Variants in LRRC49 observed in about 807,000 individuals in gnomAD.
The protein encoded by LRRC49 is leucine-rich repeat-containing protein 49.
A neutral mutation model predicts 83.3 loss-of-function variants in LRRC49; 50 were observed. That is an observed-to-expected ratio of 0.60 (90% CI 0.48 to 0.76). The LOEUF is 0.76. LRRC49 is among the 30% of genes least tolerant of loss of function. LRRC49 has a pLI of 0.00. For synonymous variants in LRRC49, 286 were observed against 283.3 expected, an observed-to-expected ratio of 1.01 and a Z score of -0.10; for missense variants, 704 against 809.1, an observed-to-expected ratio of 0.87 and a Z score of 1.58.
chr15:71,023,122 T>C (rs1285868914), intron 14 of LRRC49, among the ~76,000 whole-genome samples: 2 of 152,106 alleles, frequency 1.3e-5, no homozygotes, highest in Non-Finnish European at 2.9e-5. Context: ...AAAATACCCA[T>C]TTCAAAACTT....
At chr15:70,866,796 A>G (rs2032923574) in intron 1 of LRRC49, among the ~76,000 whole-genome samples, 1 of 152,082 alleles carries the variant, frequency 6.6e-6, no homozygotes, top group Non-Finnish European at 1.5e-5. Flanking sequence ...TTGGACAGAA[A>G]TTAACACAAT....
intron 10 of LRRC49, among the ~76,000 whole-genome samples, chr15:70,981,344 G>T (rs2037389680): frequency 7.1e-6 from 1 of 140,674 alleles, no homozygotes; most frequent in Admixed American, 7.1e-5. Context: ...GGGCCTGTTG[G>T]AGGGTGGGGG....
chr15:70,950,774 C>T (rs1304860529), intron 8 of LRRC49, among the ~76,000 whole-genome samples: 7 of 152,040 alleles, frequency 4.6e-5, no homozygotes, highest in Non-Finnish European at 8.8e-5. Flanking sequence ...TTAGGTCCTA[C>T]TTGTCAATTT....
intron 8 of LRRC49, among the ~76,000 whole-genome samples, chr15:70,940,843 G>A (rs966617699): frequency 1.3e-5 from 2 of 152,282 alleles, no homozygotes; most frequent in Non-Finnish European, 2.9e-5. Context: ...GTACATGCTT[G>A]TCAAGGAAAT....
intron 9 of LRRC49, among the ~76,000 whole-genome samples, chr15:70,969,379 A>G (rs192038935): frequency 3.9e-5 from 6 of 152,274 alleles, no homozygotes; most frequent in African/African-American, 1.4e-4. Flanking sequence ...TGTTTTGGTT[A>G]CTGTAGCCTT....
At chr15:70,981,604 A>G (rs199574693) in intron 10 of LRRC49, among the ~76,000 whole-genome samples, 2 of 147,840 alleles carry the variant, frequency 1.4e-5, no homozygotes, top group Non-Finnish European at 3.0e-5. Flanking sequence ...TATTTTTTTT[A>G]TTTTCCTTGT....
chr15:70,853,897 G>GCGGCT (rs2032565642), intron 1 of LRRC49: 3 of 1,317,036 alleles, frequency 2.3e-6, no homozygotes, highest in Non-Finnish European at 1.9e-6. Context: ...ACCTGTGCCC[G>GCGGCT]CGGCTCGGCT....
chr15:70,938,878 C>T (rs2035699094), intron 8 of LRRC49, among the ~76,000 whole-genome samples: 6 of 152,032 alleles, frequency 3.9e-5, no homozygotes, highest in Admixed American at 3.9e-4. Context: ...GGTCAAAACC[C>T]ATATAGGGAT....
Position 70,871,681 on chromosome 15 carries a change from GGGC to G in LRRC49, c.-298-1223_-298-1221del, listed in dbSNP as rs2033043915. Among the ~76,000 whole-genome samples the G allele has an allele frequency of 2.0e-5, 3 of 150,710 alleles. No homozygotes were observed. In the South Asian group the frequency reaches 6.3e-4, roughly 32 times the overall value. On this transcript the variant is annotated intron_variant, in intron 1 of 16. Coordinates refer to the LRRC49 transcript ENST00000544974. ...GGAGGGGCTCCTCACTTCTCAGACG[GGGC>G]GGCCAGGAAGAGACGCTCCTCACCT...
intron 5 of LRRC49, chr15:70,908,814 G>A (rs2034426846): frequency 6.6e-6 from 1 of 152,188 alleles, no homozygotes; most frequent in Admixed American, 6.5e-5. Flanking sequence ...CAAAGATGAG[G>A]TTAGTTTCAG....
intron 10 of LRRC49, among the ~76,000 whole-genome samples, chr15:70,982,335 C>T (rs1484468651): frequency 2.0e-5 from 3 of 151,902 alleles, no homozygotes; most frequent in Non-Finnish European, 4.4e-5. Context: ...GGCCTTGATA[C>T]TGAGTAAAAA....
rs2040014744 is a variant in LRRC49 at position 71,053,246 on chromosome 15, A to G, written c.*3634A>G. ...GATCTTGGGTATATTTTAAAGATGA[A>G]GCAACAAGATTTACTGACAGAACTG... On this transcript the variant is annotated 3_prime_UTR_variant, in exon 16 of 16. Coordinates refer to ENST00000260382, the MANE Select transcript of LRRC49 (RefSeq NM_017691.5). 1 of 152,194 alleles carries G rather than the reference A, an allele frequency of 6.6e-6. No individual in the cohort carries two copies. Among genetic ancestry groups the G allele is most frequent in the Non-Finnish European group, 1.5e-5 (1 of 68,044 alleles). 9.4% of individuals were successfully genotyped at this position (152,194 alleles called of 1,614,324 possible).
chr15:70,999,509 C>G (rs560820586), intron 11 of LRRC49, among the ~76,000 whole-genome samples: 1 of 152,116 alleles, frequency 6.6e-6, no homozygotes, highest in Non-Finnish European at 1.5e-5. Context: ...CAGACTCTAT[C>G]GATTGGTTCT....
chr15:70,921,217 A>G (rs2034992582), intron 7 of LRRC49, among the ~76,000 whole-genome samples: 2 of 152,336 alleles, frequency 1.3e-5, no homozygotes, highest in East Asian at 1.9e-4. Context: ...GACTGCCAAA[A>G]TAAGACTTTA....
At chr15:70,985,123 A>G (rs1399822779) in intron 11 of LRRC49, among the ~76,000 whole-genome samples, 2 of 149,552 alleles carry the variant, frequency 1.3e-5, no homozygotes, top group Non-Finnish European at 3.0e-5. Flanking sequence ...AGCATGATTT[A>G]TAGTCCTTTG....
chr15:71,032,005 T>C (rs1164677412), intron 14 of LRRC49, among the ~76,000 whole-genome samples: 1 of 152,072 alleles, frequency 6.6e-6, no homozygotes, highest in Non-Finnish European at 1.5e-5. Flanking sequence ...GAGTGAACGG[T>C]TCTGTCTCAC....
intron 8 of LRRC49, among the ~76,000 whole-genome samples, chr15:70,938,831 C>G (rs571645975): frequency 1.3e-5 from 2 of 152,188 alleles, no homozygotes; most frequent in South Asian, 2.1e-4. Context: ...ATGCAGCTGA[C>G]TTAAAAATAC....
intron 14 of LRRC49, among the ~76,000 whole-genome samples, chr15:71,032,306 AC>A (rs1280239395): frequency 1.3e-5 from 2 of 151,790 alleles, no homozygotes; most frequent in Non-Finnish European, 2.9e-5. Context: ...TGTGGGTTGG[AC>A]CCATTGCCTA....
At chr15:70,887,204 T>C (rs1287874471) in intron 2 of LRRC49, among the ~76,000 whole-genome samples, 1 of 152,134 alleles carries the variant, frequency 6.6e-6, no homozygotes. Flanking sequence ...AATTTATTAA[T>C]GGATATATGC....
Sources: allele counts gnomAD v4.1 joint callset (sites outside exome capture counted in the v4.1 genomes callset), GRCh38; gene constraint gnomAD v4.1.1; transcripts MANE v1.5; gene names NCBI Gene and HGNC (gene_info 2026-07-23, HGNC 2026-07-21).